PRORP: variants seen among roughly 807,000 people sequenced by gnomAD.
PRORP encodes the protein mitochondrial ribonuclease P catalytic subunit.
PRORP carries 51 observed loss-of-function variants against 59.4 expected under a neutral mutation model. The ratio of observed to expected loss-of-function variants is 0.86; its 90% CI spans 0.69 to 1.08. PRORP has a LOEUF of 1.08. Among genes scored for constraint, PRORP ranks in the 50% least tolerant of loss-of-function variants. The pLI is 0.00. For synonymous variants in PRORP, 231 were observed against 245.6 expected, an observed-to-expected ratio of 0.94 and a Z score of 0.55; for missense variants, 646 against 690.3, an observed-to-expected ratio of 0.94 and a Z score of 0.72.
At chr14:35,200,026 G>A (rs532810203) in intron 5 of PRORP, among the ~76,000 whole-genome samples, 1 of 152,054 alleles carries the variant, frequency 6.6e-6, no homozygotes, top group Non-Finnish European at 1.5e-5. Flanking sequence ...AGGATAAATG[G>A]AAACAGCCAT....
intron 4 of PRORP, among the ~76,000 whole-genome samples, chr14:35,179,392 G>A (rs1241885464): frequency 6.6e-6 from 1 of 152,004 alleles, no homozygotes; most frequent in Non-Finnish European, 1.5e-5. Flanking sequence ...ACATAGATTT[G>A]GTCTTTTCAT....
At chr14:35,237,374 T>G (rs940559494) in intron 5 of PRORP, among the ~76,000 whole-genome samples, 13 of 151,992 alleles carry the variant, frequency 8.6e-5, no homozygotes, top group African/African-American at 3.1e-4. Flanking sequence ...GTTACAGGCA[T>G]CAACCACTAT....
chr14:35,123,133 T>TA lies in PRORP; in HGVS notation c.-108dup. 1 of 1,099,444 alleles carries TA rather than the reference T, an allele frequency of 9.1e-7. No homozygotes were observed. Among genetic ancestry groups the TA allele is most frequent in the South Asian group, 1.6e-5 (1 of 64,450 alleles). The allele number at this position is 1,099,444 out of a possible 1,614,324, so 68.1% of individuals were successfully genotyped here. A position where few individuals can be genotyped will look rare whatever the true frequency, so the allele number is the denominator to read the frequency against. On this transcript the variant is annotated 5_prime_UTR_variant, in exon 2 of 8. Transcript: ENST00000534898. ...CTGTAAGGAAGAAACACAAACCTTT[T>TA]AAAAAGTTCCACTTCGACTCTGCAC...
At chr14:35,154,445 A>G (rs1159066111) in intron 4 of PRORP, among the ~76,000 whole-genome samples, 1 of 152,206 alleles carries the variant, frequency 6.6e-6, no homozygotes, top group African/African-American at 2.4e-5. Context: ...CTTTTTAGCT[A>G]TAGGTTGAAA....
chr14:35,211,756 G>T (rs1387245697), intron 5 of PRORP, among the ~76,000 whole-genome samples: 3 of 152,184 alleles, frequency 2.0e-5, no homozygotes, highest in Non-Finnish European at 4.4e-5. Context: ...CTTGGCCTCA[G>T]TGTTGATGGC....
chr14:35,246,191 T>C (rs771668817), intron 5 of PRORP, among the ~76,000 whole-genome samples: 89 of 152,310 alleles, frequency 5.8e-4, no homozygotes, highest in African/African-American at 2.1e-3. Context: ...TGGTCTATTT[T>C]CATTCATTGA....
chr14:35,123,753 A>G lies in PRORP; in HGVS notation c.508A>G (p.Asn170Asp). The change falls in exon 2 of 8, where the codon AAT becomes GAT. Residue 170 changes from asparagine to aspartate, a missense_variant. Coordinates refer to ENST00000534898, the MANE Select transcript of PRORP (RefSeq NM_014672.4). ...GCTGGCATGGGTAGCAGCCAAAAAT[A>G]ATGGTATTGTAAGTTACGATTTACT... ...SLLAWVAAKN[N>D]GIVSYDLLVK... is the part of the protein sequence containing the mutation. 1 of 1,614,228 alleles carries G rather than the reference A, an allele frequency of 6.2e-7. No homozygotes were observed.
intron 5 of PRORP, among the ~76,000 whole-genome samples, chr14:35,215,886 C>T (rs146498168): frequency 3.4e-4 from 52 of 151,840 alleles, no homozygotes; most frequent in African/African-American, 1.1e-3. Flanking sequence ...CCTGCCTCAG[C>T]CTCCTGAGTA....
chr14:35,263,253 C>T (rs2050951444), intron 5 of PRORP, among the ~76,000 whole-genome samples: 1 of 152,092 alleles, frequency 6.6e-6, no homozygotes, highest in Admixed American at 6.6e-5. Flanking sequence ...ATATGAGCTA[C>T]TTTATGATGG....
In PRORP at chr14:35,140,404, T is replaced by C. The variant is rs189877204; in HGVS notation, c.1167+12793T>C. 1.7e-3 allele frequency among the ~76,000 whole-genome samples: 244 copies of C among 145,816 alleles called. 6 individuals carry two copies. Among genetic ancestry groups the C allele is most frequent in the African/African-American group, 5.6e-3 (232 of 41,184 alleles). On this transcript the variant is annotated intron_variant, in intron 4 of 7. Transcript: ENST00000534898. ...CTGTTCTAATAGGTATGAAGTGGTA[T>C]CTCATTGTGATTTTAATTTAGATTT...
At chr14:35,130,982 C>T (rs1377029664) in intron 4 of PRORP, among the ~76,000 whole-genome samples, 3 of 150,816 alleles carry the variant, frequency 2.0e-5, no homozygotes, top group African/African-American at 7.3e-5. Flanking sequence ...GTCACTCTGT[C>T]GCCCAGGCTG....
In PRORP at chr14:35,129,431, A is replaced by T. The variant is rs184681283; in HGVS notation, c.1167+1820A>T. Among the ~76,000 whole-genome samples the T allele has an allele frequency of 3.3e-3, 491 of 150,924 alleles. 2 individuals carry two copies. Among genetic ancestry groups the T allele is most frequent in the Non-Finnish European group, 4.7e-3 (319 of 67,798 alleles). ...AGTGAAGATGATTTTCTCTGGTGAT[A>T]TAATTTAGTTTCTTGCTTTTTATTT... On this transcript the variant is annotated intron_variant, in intron 4 of 7. Transcript: ENST00000534898.
intron 4 of PRORP, among the ~76,000 whole-genome samples, chr14:35,172,492 C>CTT (rs1566474597): frequency 1.5e-4 from 7 of 45,436 alleles, no homozygotes; most frequent in African/African-American, 2.3e-4. Context: ...CTTTCCCTTC[C>CTT]TCTCTCCCTC....
At chr14:35,160,292 TA>T (rs1271277055) in intron 4 of PRORP, among the ~76,000 whole-genome samples, 3 of 152,180 alleles carry the variant, frequency 2.0e-5, no homozygotes, top group Non-Finnish European at 4.4e-5. Context: ...TCTTTCAGAG[TA>T]AAATCACTTC....
chr14:35,194,212 C>T (rs544173300), intron 5 of PRORP, among the ~76,000 whole-genome samples: 13 of 152,098 alleles, frequency 8.5e-5, no homozygotes, highest in Non-Finnish European at 1.5e-4. Flanking sequence ...CTCTTTGTAG[C>T]AATTATGAAT....
intron 4 of PRORP, among the ~76,000 whole-genome samples, chr14:35,139,751 C>G (rs2047442780): frequency 6.9e-6 from 1 of 145,982 alleles, no homozygotes; most frequent in Non-Finnish European, 1.5e-5. Context: ...CAAATTACCA[C>G]AAACTGGGTA....
chr14:35,180,332 C>T (rs1341940722), intron 4 of PRORP, among the ~76,000 whole-genome samples: 1 of 152,134 alleles, frequency 6.6e-6, no homozygotes, highest in African/African-American at 2.4e-5. Flanking sequence ...ATCTTGGAAC[C>T]GCCAGTTCAT....
At chr14:35,258,407 G>C (rs2050812464) in intron 5 of PRORP, among the ~76,000 whole-genome samples, 1 of 152,110 alleles carries the variant, frequency 6.6e-6, no homozygotes, top group Admixed American at 6.5e-5. Context: ...AGAAAATGCA[G>C]TGGCAAAAGG....
chr14:35,273,396 T>A (rs948387500), intron 7 of PRORP, 39 bp from the exon 8 acceptor site: 1 of 1,580,002 alleles, frequency 6.3e-7, no homozygotes, highest in Non-Finnish European at 8.6e-7. Context: ...AGCCCTTTAG[T>A]GTTGTTCTCA....
Sources: gnomAD v4.1 joint callset for allele counts (sites outside exome capture counted in the v4.1 genomes callset) on GRCh38, gnomAD v4.1.1 for gene constraint, MANE v1.5 for transcripts, NCBI Gene and HGNC (gene_info 2026-07-23, HGNC 2026-07-21) for gene names.